CLYBL: variants seen among roughly 807,000 people sequenced by gnomAD.
CLYBL encodes the protein citramalyl-CoA lyase, mitochondrial.
Under a neutral mutation model 38.9 loss-of-function variants are expected in CLYBL, and 31 were observed. The ratio of observed to expected loss-of-function variants is 0.80; its 90% CI spans 0.60 to 1.08. The LOEUF is 1.08. Ranked by LOEUF, CLYBL falls within the 50% of genes least tolerant of loss-of-function variation. The probability of loss-of-function intolerance (pLI) is 0.00; values close to 1 mark genes in which losing one functional copy is unlikely to be tolerated. For synonymous variants in CLYBL, 171 were observed against 158.6 expected (o/e 1.08, Z -0.59); for missense variants, 434 against 411.6 (o/e 1.05, Z -0.47).
chr13:99,903,128 G>A (rs9585260), intron 8 of CLYBL, among the ~76,000 whole-genome samples: 21,992 of 152,112 alleles, frequency 0.14, 1,818 homozygotes, highest in African/African-American at 0.21. Flanking sequence ...CAGGAGCCTC[G>A]ATTTCATAAC....
chr13:99,855,349 C>T (rs1289315802), intron 2 of CLYBL, among the ~76,000 whole-genome samples: 4 of 152,138 alleles, frequency 2.6e-5, no homozygotes, highest in African/African-American at 9.7e-5. Flanking sequence ...TTTTCTCCTT[C>T]CTCCAGGAAG....
intron 2 of CLYBL, among the ~76,000 whole-genome samples, chr13:99,825,265 G>A (rs531848561): frequency 3.3e-5 from 5 of 152,286 alleles, no homozygotes; most frequent in Admixed American, 6.5e-5. Flanking sequence ...GCTGTACGAC[G>A]TCAGGACAGG....
intron 2 of CLYBL, among the ~76,000 whole-genome samples, chr13:99,777,790 C>A (rs1307920342): frequency 2.0e-5 from 3 of 152,168 alleles, no homozygotes; most frequent in African/African-American, 7.2e-5. Flanking sequence ...TGAGAATTTT[C>A]TGTTACAAGT....
At position 99,691,403 on chromosome 13, in the gene CLYBL, G is replaced by A. The variant is rs946180950; in HGVS notation, c.63-81421G>A. On this transcript the variant is annotated intron_variant, in intron 1 of 8. Coordinates refer to ENST00000339105, the MANE Select transcript of CLYBL (RefSeq NM_206808.5). ...AAACTCTAAAAATTTGGGGGGGAAG[G>A]GGACAGTTGGGGATCAGAATCACTC... Among the ~76,000 whole-genome samples, 3 of 151,968 alleles carry A rather than the reference G, an allele frequency of 2.0e-5. No homozygotes were observed. In the South Asian group the frequency reaches 6.2e-4, roughly 32 times the overall value.
chr13:99,620,447 T>A (rs995076420), intron 1 of CLYBL, among the ~76,000 whole-genome samples: 4 of 152,172 alleles, frequency 2.6e-5, no homozygotes, highest in African/African-American at 7.2e-5. Flanking sequence ...AGTGCTGATG[T>A]CAGATGTGTA....
chr13:99,775,556 T>C (rs981909655), intron 2 of CLYBL, among the ~76,000 whole-genome samples: 1 of 152,166 alleles, frequency 6.6e-6, no homozygotes, highest in Non-Finnish European at 1.5e-5. Context: ...TTGCCCAGGC[T>C]GGGGTGCAGT....
chr13:99,786,646 G>T (rs971407927), intron 2 of CLYBL, among the ~76,000 whole-genome samples: 1 of 152,170 alleles, frequency 6.6e-6, no homozygotes, highest in Admixed American at 6.5e-5. Flanking sequence ...TTGCTATTGT[G>T]CATAGTGCCA....
At chr13:99,750,828 T>C (rs2048942772) in intron 1 of CLYBL, among the ~76,000 whole-genome samples, 1 of 135,914 alleles carries the variant, frequency 7.4e-6, no homozygotes, top group Non-Finnish European at 1.8e-5. Context: ...ATAAAAGATA[T>C]ATCTTTTTTT....
intron 7 of CLYBL, among the ~76,000 whole-genome samples, chr13:99,882,174 A>G (rs2052227417): frequency 6.6e-6 from 1 of 152,202 alleles, no homozygotes. Flanking sequence ...CCCAAATACC[A>G]GTTATCAGCC....
intron 1 of CLYBL, among the ~76,000 whole-genome samples, chr13:99,618,514 C>A (rs929966402): frequency 1.3e-5 from 2 of 152,208 alleles, no homozygotes; most frequent in African/African-American, 4.8e-5. Flanking sequence ...AGGTGATCTA[C>A]CCGCCTCGGC....
At chr13:99,667,510 G>A (rs957418771) in intron 1 of CLYBL, among the ~76,000 whole-genome samples, 1 of 150,238 alleles carries the variant, frequency 6.7e-6, no homozygotes, top group Non-Finnish European at 1.5e-5. Context: ...CTAACTCTGT[G>A]GCAGGTTTAG....
intron 2 of CLYBL, among the ~76,000 whole-genome samples, chr13:99,789,113 G>A (rs1356438335): frequency 3.9e-5 from 6 of 151,956 alleles, no homozygotes; most frequent in Admixed American, 2.6e-4. Flanking sequence ...TCTTGCTAGC[G>A]GTCTATCAAT....
intron 1 of CLYBL, among the ~76,000 whole-genome samples, chr13:99,709,395 C>T (rs977989729): frequency 1.3e-5 from 2 of 152,216 alleles, no homozygotes; most frequent in Admixed American, 6.5e-5. Flanking sequence ...GAAGACACAG[C>T]TGGCAGCACC....
At chr13:99,737,025 T>C (rs1243773373) in intron 1 of CLYBL, among the ~76,000 whole-genome samples, 1 of 152,176 alleles carries the variant, frequency 6.6e-6, no homozygotes, top group Non-Finnish European at 1.5e-5. Flanking sequence ...ATAGACAATA[T>C]ACATAGATAA....
intron 1 of CLYBL, among the ~76,000 whole-genome samples, chr13:99,703,130 T>C (rs2048094134): frequency 6.6e-6 from 1 of 152,232 alleles, no homozygotes; most frequent in African/African-American, 2.4e-5. Flanking sequence ...TCTGTATTTA[T>C]TCTTTTATGT....
chr13:99,713,398 G>A (rs1449492656), intron 1 of CLYBL, among the ~76,000 whole-genome samples: 1 of 147,056 alleles, frequency 6.8e-6, no homozygotes, highest in Admixed American at 6.8e-5. Context: ...GGAGTGCAGT[G>A]GTGTGATCTT....
At chr13:99,841,654 G>C (rs7995280) in intron 2 of CLYBL, among the ~76,000 whole-genome samples, 77,865 of 151,574 alleles carry the variant, frequency 0.51, 20,070 homozygotes, top group Middle Eastern at 0.57. Flanking sequence ...CCTGCCTCAG[G>C]CTCCCAAAGT....
At chr13:99,739,206 A>G (rs1236343148) in intron 1 of CLYBL, among the ~76,000 whole-genome samples, 1 of 152,232 alleles carries the variant, frequency 6.6e-6, no homozygotes, top group African/African-American at 2.4e-5. Flanking sequence ...CAGTGTTCGT[A>G]ATATGAAACA....
chr13:99,739,983 A>C (rs1173414681), intron 1 of CLYBL, among the ~76,000 whole-genome samples: 1 of 147,026 alleles, frequency 6.8e-6, no homozygotes, highest in Non-Finnish European at 1.6e-5. Context: ...AGGAAAAAAA[A>C]ACAAAAAAAC....
Sources: gnomAD v4.1 joint callset for allele counts (sites outside exome capture counted in the v4.1 genomes callset) on GRCh38, gnomAD v4.1.1 for gene constraint, MANE v1.5 for transcripts, NCBI Gene and HGNC (gene_info 2026-07-23, HGNC 2026-07-21) for gene names.